Variants in FAT2 observed in about 807,000 individuals in gnomAD.
FAT2 encodes FAT atypical cadherin 2, also known as protocadherin Fat 2.
A neutral mutation model predicts 295.3 loss-of-function variants in FAT2; 150 were observed. The observed-to-expected ratio is 0.51, with a 90% CI of 0.44 to 0.58. FAT2 has a LOEUF of 0.58. FAT2 is among the 20% of genes least tolerant of loss of function. FAT2 has a pLI of 0.00. For missense variants in FAT2, 4,868 were observed against 5,442.7 expected (o/e 0.89, Z 3.32); for synonymous variants, 2,026 against 2,150.3 (o/e 0.94, Z 1.60).
chr5:151,529,346 C>T lies in FAT2; in HGVS notation c.9858G>A (p.Lys3286=), dbSNP rs1192625655. ...GGCTGCACTCAATGGACAGGAAGTA[C>T]TTGGGGCTTGTCTCAAAGTCCAGGC... ...NASLDFETSP[K]YFLSIECSRK... is the part of the protein sequence containing the mutation. The change falls in exon 15 of 24, where the codon AAG becomes AAA. Residue 3286 remains lysine (K), a synonymous_variant. Coordinates refer to ENST00000261800, the MANE Select transcript of FAT2 (RefSeq NM_001447.3). 2.5e-6 allele frequency: 4 copies of T among 1,613,954 alleles called. No individual in the cohort carries two copies. Among genetic ancestry groups the T allele is most frequent in the Non-Finnish European group, 3.4e-6 (4 of 1,180,030 alleles).
upstream of FAT2, among the ~76,000 whole-genome samples, chr5:151,592,629 T>C (rs1449394699): frequency 6.6e-6 from 1 of 152,234 alleles, no homozygotes; most frequent in Non-Finnish European, 1.5e-5. Flanking sequence ...CCGTTGTTAA[T>C]GCTTTTATTA....
At position 151,531,213 on chromosome 5, in the gene FAT2, C is replaced by CTTA. The variant is rs1754555581; in HGVS notation, c.9811+371_9811+373dup. On this transcript the variant is annotated intron_variant, in intron 14 of 23. Coordinates refer to ENST00000261800, the MANE Select transcript of FAT2 (RefSeq NM_001447.3). This position sits in a 1 kb window ranked among gnomAD's most constrained non-coding sequence, Gnocchi z 5.7. ...AAGCAGGCAGCCTTGTCCAGGGTTG[C>CTTA]TTAAGCCCCAGATTCCAGCAAGGGC... Among the ~76,000 whole-genome samples, 1 of 152,112 alleles carries CTTA rather than the reference C, an allele frequency of 6.6e-6. No individual in the cohort carries two copies. The highest frequency in any genetic ancestry group is 2.1e-4 in the South Asian group (1 of 4,830).
chr5:151,556,299 A>G (rs751281877), intron 4 of FAT2, 45 bp downstream of exon 4: 14 of 1,564,826 alleles, frequency 8.9e-6, no homozygotes, highest in African/African-American at 1.4e-5. Flanking sequence ...AAGGCCTAAC[A>G]TGGCTCCACA....
rs763409978 is a variant in FAT2, at chr5:151,528,147, G to A, written c.10027-14C>T. 2 of 1,612,710 alleles carry A rather than the reference G, an allele frequency of 1.2e-6. No individual in the cohort carries two copies. Among genetic ancestry groups the A allele is most frequent in the South Asian group, 2.2e-5 (2 of 90,854 alleles). On this transcript the variant is annotated splice_polypyrimidine_tract_variant and intron_variant, in intron 15 of 23. Coordinates refer to ENST00000261800, the MANE Select transcript of FAT2 (RefSeq NM_001447.3). ...AGTCGCTGATACCTGCGGTGGGGTA[G>A]GGGGATTGTGAATGGAGGGACAGGA...
At chr5:151,532,872 G>A (rs1007757589) in intron 13 of FAT2, among the ~76,000 whole-genome samples, 1 of 152,220 alleles carries the variant, frequency 6.6e-6, no homozygotes, top group African/African-American at 2.4e-5. Context: ...TTCTCTGGTG[G>A]AATGGTGACA....
chr5:151,562,384 C>G (rs1758055700), intron 3 of FAT2, among the ~76,000 whole-genome samples: 1 of 152,082 alleles, frequency 6.6e-6, no homozygotes, highest in African/African-American at 2.4e-5. Flanking sequence ...TTGTTCCTCC[C>G]CCAAGAGGAA....
chr5:151,586,993 T>A (rs1306441555), intron 1 of FAT2, among the ~76,000 whole-genome samples: 1 of 151,828 alleles, frequency 6.6e-6, no homozygotes, highest in Non-Finnish European at 1.5e-5. Context: ...AATACAAAAA[T>A]TAGCTGGGTG....
At position 151,512,053 on chromosome 5, in the gene FAT2, A is replaced by G. The variant is rs1252899928; in HGVS notation, c.11905+112T>C. 2.1e-6 allele frequency: 2 copies of G among 950,110 alleles called. No homozygotes were observed. The highest frequency in any genetic ancestry group is 5.2e-5 in the East Asian group (2 of 38,352). The allele number at this position is 950,110 out of a possible 1,614,324, so 58.9% of individuals were successfully genotyped here. ...CCTGTTACTCACAAGTTAGGGGAAG[A>G]GAGAGAAATTTGGAACCAGGAGGCT... On this transcript the variant is annotated intron_variant, in intron 21 of 23. Coordinates refer to ENST00000261800, the MANE Select transcript of FAT2 (RefSeq NM_001447.3). This position sits in a 1 kb window ranked among gnomAD's most constrained non-coding sequence, Gnocchi z 4.1.
In FAT2 at chr5:151,540,864, G is replaced by T. The variant is rs201828642; in HGVS notation, c.8843-101C>A. On this transcript the variant is annotated intron_variant, in intron 10 of 23. Coordinates refer to ENST00000261800, the MANE Select transcript of FAT2 (RefSeq NM_001447.3). ...ATTGGATGCATTTTTTAGAATTGTTGGGAAAGCAAACATTTCCTTCCTTAA... is the reference window on the plus strand; with the variant it reads ...ATTGGATGCATTTTTTAGAATTGTTTGGAAAGCAAACATTTCCTTCCTTAA... The T allele has an allele frequency of 8.1e-6, 9 of 1,104,830 alleles. No homozygotes were observed. In the East Asian group the frequency reaches 2.3e-4, roughly 28 times the overall value. The allele number at this position is 1,104,830 out of a possible 1,614,324, so 68.4% of individuals were successfully genotyped here. A position where few individuals can be genotyped will look rare whatever the true frequency, so the allele number is the denominator to read the frequency against.
At chr5:151,536,454 T>A (rs1395649122) in intron 12 of FAT2, among the ~76,000 whole-genome samples, 1 of 152,128 alleles carries the variant, frequency 6.6e-6, no homozygotes, top group Non-Finnish European at 1.5e-5. Context: ...CCAAGCCAAA[T>A]GTCAGCAGCT....
chr5:151,573,424 G>A (rs1758616994), intron 1 of FAT2, among the ~76,000 whole-genome samples: 1 of 152,218 alleles, frequency 6.6e-6, no homozygotes, highest in South Asian at 2.1e-4. Flanking sequence ...GGGAGGCCAA[G>A]CGGGGCAGAT....
chr5:151,529,768 T>C (rs1581341076), intron 14 of FAT2, among the ~76,000 whole-genome samples: 2 of 152,330 alleles, frequency 1.3e-5, no homozygotes, highest in Middle Eastern at 6.8e-3. Context: ...AATAGGCAAG[T>C]GACTTGTCCA....
In FAT2 at chr5:151,565,860, A is replaced by C. The variant is rs763996277; in HGVS notation, c.3072T>G (p.Asn1024Lys). ...CAAAGTGGGGAGGGTGGAGATTCTC[A>C]TTCACATCCAGGACGATCACCTCCA... ...CHVEVIVLDV[N>K]ENLHPPHFAS... The change falls in exon 2 of 24, where the codon AAT (asparagine) becomes AAG (lysine). Residue 1024 changes from asparagine to lysine, a missense_variant. Asn to Lys is a moderately conservative substitution (Grantham distance 94). Around this residue, in one of 5 missense-constraint regions of FAT2, gnomAD observed 3,297 missense variants for 3,669.4 expected, o/e 0.90. Transcript: ENST00000261800. The C allele has an allele frequency of 5.0e-6, 8 of 1,613,946 alleles. No individual in the cohort carries two copies. The highest frequency in any genetic ancestry group is 6.8e-6 in the Non-Finnish European group (8 of 1,179,972).
rs745323770 is a variant in FAT2 at position 151,554,393 on chromosome 5, G to A, written c.3914C>T (p.Thr1305Ile). Residue 1305 changes from threonine (T) to isoleucine (I), a missense_variant, in exon 5 of 24, where the codon ACT becomes ATT. By Grantham distance (89) the Thr-to-Ile change is moderately conservative. Coordinates refer to ENST00000261800, the MANE Select transcript of FAT2 (RefSeq NM_001447.3). ...LVTGVVSSSSTFTAGEYNILT... is the reference protein window; with the variant it reads ...LVTGVVSSSSIFTAGEYNILT... Reference sequence around the variant, plus strand: ...GATGTTGTACTCTCCAGCTGTAAAAGTGCTGCTGGATGAAACCACACCTGT... The same window carrying A: ...GATGTTGTACTCTCCAGCTGTAAAAATGCTGCTGGATGAAACCACACCTGT... 8 of 1,614,070 alleles carry A rather than the reference G, an allele frequency of 5.0e-6. No homozygotes were observed. The Admixed American group carries it at 8.3e-5, about 17-fold the overall frequency.
chr5:151,556,657 T>G (rs1345654245), intron 3 of FAT2, among the ~76,000 whole-genome samples: 2 of 152,222 alleles, frequency 1.3e-5, no homozygotes, highest in East Asian at 3.8e-4. Flanking sequence ...ACTTCAGTAT[T>G]CAAATACTGA....
At chr5:151,557,846 G>A (rs1198985215) in intron 3 of FAT2, among the ~76,000 whole-genome samples, 1 of 152,142 alleles carries the variant, frequency 6.6e-6, no homozygotes, top group South Asian at 2.1e-4. Context: ...AGGGTCTTTG[G>A]GATTGGGAGG....
At position 151,521,889 on chromosome 5, in the gene FAT2, C is replaced by T. The variant is rs1248437948; in HGVS notation, c.10704G>A (p.Leu3568=). 3.1e-6 allele frequency: 5 copies of T among 1,614,106 alleles called. No individual in the cohort carries two copies. Among genetic ancestry groups the T allele is most frequent in the Non-Finnish European group, 3.4e-6 (4 of 1,179,944 alleles). Residue 3568 remains leucine, a synonymous_variant, in exon 19 of 24, where the codon CTG becomes CTA. Transcript: ENST00000261800. ...RDPQDTLTYS[L]AEEETLGRHF... ...GCCTGCCCAGGGTCTCCTCTTCTGC[C>T]AGGCTATAGGTCAGCGTGTCCTGGG... is the stretch of plus-strand genomic sequence containing the variant.
intron 3 of FAT2, among the ~76,000 whole-genome samples, chr5:151,557,493 A>T (rs767344700): frequency 8.6e-5 from 13 of 151,904 alleles, no homozygotes; most frequent in Non-Finnish European, 1.8e-4. Flanking sequence ...CTAGAAAGAG[A>T]CTTTTTTCTG....
At chr5:151,574,147 G>A (rs1441755899) in intron 1 of FAT2, among the ~76,000 whole-genome samples, 4 of 152,200 alleles carry the variant, frequency 2.6e-5, no homozygotes, top group Non-Finnish European at 4.4e-5. Context: ...TTGTTTGAGA[G>A]TCAGTGTAAT....
Sources: gnomAD v4.1 joint callset for allele counts (sites outside exome capture counted in the v4.1 genomes callset) on GRCh38, gnomAD v4.1.1 for gene constraint, gnomAD v4.1.1 regional missense constraint, Gnocchi (gnomAD v3.1) non-coding constraint, MANE v1.5 for transcripts, NCBI Gene and HGNC (gene_info 2026-07-23, HGNC 2026-07-21) for gene names.